PRKN: variants seen among roughly 807,000 people sequenced by gnomAD.
PRKN encodes the protein parkin RBR E3 ubiquitin protein ligase, also known as E3 ubiquitin-protein ligase parkin.
Under a neutral mutation model 59.5 loss-of-function variants are expected in PRKN, and 56 were observed. The observed-to-expected ratio is 0.94, with a 90% CI of 0.76 to 1.18. The LOEUF is 1.18. PRKN is among the 50% of genes most tolerant of loss of function. The pLI is 0.00. For missense variants in PRKN, 657 were observed against 596.4 expected (o/e 1.10, Z -1.06); for synonymous variants, 250 against 222.1 (o/e 1.13, Z -1.12).
chr6:162,505,272 A>C (rs1304062195), intron 1 of PRKN, among the ~76,000 whole-genome samples: 1 of 152,188 alleles, frequency 6.6e-6, no homozygotes, highest in Admixed American at 6.5e-5. Flanking sequence ...TAATTGCAAA[A>C]AATTTGGCAA....
chr6:162,574,630 C>T (rs898470232), intron 1 of PRKN, among the ~76,000 whole-genome samples: 1 of 151,994 alleles, frequency 6.6e-6, no homozygotes, highest in South Asian at 2.1e-4. Flanking sequence ...ATAGGATGGC[C>T]GTTTCATAGG....
chr6:162,563,025 G>A (rs375860295), intron 1 of PRKN, among the ~76,000 whole-genome samples: 14 of 152,272 alleles, frequency 9.2e-5, no homozygotes, highest in East Asian at 1.9e-4. Context: ...CAAGAGAGCC[G>A]GGCGCAGTGG....
intron 1 of PRKN, among the ~76,000 whole-genome samples, chr6:162,697,594 A>G (rs1050949045): frequency 3.3e-5 from 5 of 152,176 alleles, no homozygotes; most frequent in Non-Finnish European, 5.9e-5. Flanking sequence ...AGGCTAACAG[A>G]CTCAGTGCCT....
intron 1 of PRKN, among the ~76,000 whole-genome samples, chr6:162,464,133 T>C (rs1317829173): frequency 6.6e-6 from 1 of 152,216 alleles, no homozygotes; most frequent in Non-Finnish European, 1.5e-5. Flanking sequence ...CTTGATGCCT[T>C]ATATGCCAGC....
intron 7 of PRKN, among the ~76,000 whole-genome samples, chr6:161,608,393 G>T (rs1373624155): frequency 6.6e-6 from 1 of 152,080 alleles, no homozygotes; most frequent in African/African-American, 2.4e-5. Context: ...AATAGAGGAG[G>T]TGTGTGTGTG....
At chr6:162,341,585 G>C (rs1201101631) in intron 2 of PRKN, among the ~76,000 whole-genome samples, 1 of 152,096 alleles carries the variant, frequency 6.6e-6, no homozygotes, top group African/African-American at 2.4e-5. Flanking sequence ...CTATAAAAAA[G>C]GATGAGTTCA....
At chr6:161,775,922 C>T (rs183755342) in intron 7 of PRKN, among the ~76,000 whole-genome samples, 7 of 152,256 alleles carry the variant, frequency 4.6e-5, no homozygotes, top group Admixed American at 4.6e-4. Context: ...AAGGGAATTG[C>T]ATTCTAAGTT....
chr6:161,561,870 C>T lies in PRKN; in HGVS notation c.933+7485G>A, dbSNP rs1562527115. 6.6e-6 allele frequency among the ~76,000 whole-genome samples: 1 copy of T among 152,206 alleles called. No individual in the cohort carries two copies. The highest frequency in any genetic ancestry group is 1.5e-5 in the Non-Finnish European group (1 of 68,036). ...AGGAATTATCCTCCCCTTCTGTTCA[C>T]TCTTCATCCCATAAAACTCTGGCTC... On this transcript the variant is annotated intron_variant, in intron 8 of 11. Coordinates refer to ENST00000366898, the MANE Select transcript of PRKN (RefSeq NM_004562.3). The surrounding 1 kb of genome is among the most constrained non-coding windows in gnomAD (Gnocchi z 5.0).
chr6:161,544,504 TTATTCATTCA>T lies in PRKN; in HGVS notation c.1083+4340_1083+4349del, dbSNP rs1461404718. ...ATTAAGATTCACTCAACCATTTATT[TTATTCATTCA>T]TTCATTCATTCATTCATTCATTCAT... On this transcript the variant is annotated intron_variant, in intron 9 of 11. Coordinates refer to ENST00000366898, the MANE Select transcript of PRKN (RefSeq NM_004562.3). This position sits in a 1 kb window ranked among gnomAD's most constrained non-coding sequence, Gnocchi z 5.5. Among the ~76,000 whole-genome samples the T allele has an allele frequency of 2.3e-4, 28 of 124,292 alleles. No individual in the cohort carries two copies. Among genetic ancestry groups the T allele is most frequent in the South Asian group, 2.0e-3 (9 of 4,502 alleles). 81.5% of individuals were successfully genotyped at this position (124,292 alleles called of 152,430 possible). A position where few individuals can be genotyped will look rare whatever the true frequency, so the allele number is the denominator to read the frequency against.
At chr6:161,420,209 C>T (rs1307290503) in intron 9 of PRKN, among the ~76,000 whole-genome samples, 1 of 144,770 alleles carries the variant, frequency 6.9e-6, no homozygotes, top group Non-Finnish European at 1.5e-5. Flanking sequence ...CGCTGCACTC[C>T]AGCCAGAGCG....
At position 161,369,236 on chromosome 6, in the gene PRKN, C is replaced by T. The variant is rs571813896; in HGVS notation, c.1168-9031G>A. On this transcript the variant is annotated intron_variant, in intron 10 of 11. Coordinates refer to ENST00000366898, the MANE Select transcript of PRKN (RefSeq NM_004562.3). The surrounding 1 kb of genome is among the most constrained non-coding windows in gnomAD (Gnocchi z 5.8). The stretch of plus-strand genomic sequence containing the variant: ...AGCAGTGGCTGGGTGCCCACAGGTT[C>T]AAGATCACCAAAGCGATTCTAAAAA... 1.5e-3 allele frequency among the ~76,000 whole-genome samples: 223 copies of T among 152,284 alleles called. No individual in the cohort carries two copies. Among genetic ancestry groups the T allele is most frequent in the African/African-American group, 5.1e-3 (211 of 41,564 alleles).
chr6:161,433,664 T>C (rs763211412), intron 9 of PRKN, among the ~76,000 whole-genome samples: 1 of 152,148 alleles, frequency 6.6e-6, no homozygotes, highest in Non-Finnish European at 1.5e-5. Context: ...GACCCTCTGG[T>C]GTACAGATTC....
chr6:162,347,629 G>GTA (rs1025206122), intron 2 of PRKN, among the ~76,000 whole-genome samples: 2 of 151,850 alleles, frequency 1.3e-5, no homozygotes, highest in African/African-American at 2.4e-5. Context: ...TAGTACTTAT[G>GTA]TATATATATA....
At chr6:162,127,092 T>C (rs1009050681) in intron 4 of PRKN, among the ~76,000 whole-genome samples, 1 of 152,234 alleles carries the variant, frequency 6.6e-6, no homozygotes, top group African/African-American at 2.4e-5. Context: ...ACCAATAAAA[T>C]GGATACTTAT....
chr6:161,697,512 G>C (rs1355747169), intron 7 of PRKN, among the ~76,000 whole-genome samples: 1 of 152,116 alleles, frequency 6.6e-6, no homozygotes, highest in Non-Finnish European at 1.5e-5. Flanking sequence ...CTCTCATAAA[G>C]TCCAACAAAT....
At chr6:162,228,368 C>T (rs908366245) in intron 3 of PRKN, among the ~76,000 whole-genome samples, 1 of 152,192 alleles carries the variant, frequency 6.6e-6, no homozygotes, top group South Asian at 2.1e-4. Flanking sequence ...CCCGATGTTA[C>T]AGTTGGTCAA....
intron 1 of PRKN, among the ~76,000 whole-genome samples, chr6:162,659,751 T>C (rs59121403): frequency 0.021 from 3,138 of 152,206 alleles, 110 homozygotes; most frequent in African/African-American, 0.07. Context: ...CACAGGTACA[T>C]TTCATAAAAA....
chr6:162,246,975 A>T (rs975797792), intron 3 of PRKN, among the ~76,000 whole-genome samples: 1 of 152,164 alleles, frequency 6.6e-6, no homozygotes, highest in African/African-American at 2.4e-5. Flanking sequence ...TGATAAACAG[A>T]CATAATATTT....
rs1048133271 is a variant in PRKN at position 161,377,816 on chromosome 6, G to C, written c.1167+8978C>G. Among the ~76,000 whole-genome samples, 2 of 152,286 alleles carry C rather than the reference G, an allele frequency of 1.3e-5. No individual in the cohort carries two copies. Among genetic ancestry groups the C allele is most frequent in the East Asian group, 1.9e-4 (1 of 5,158 alleles). ...CTTCTACCATGTGAGGGTATAGCTA[G>C]AAGACGTCATCTACAAACCAAAAAG... On this transcript the variant is annotated intron_variant, in intron 10 of 11. Transcript: ENST00000366898. The surrounding 1 kb of genome is among the most constrained non-coding windows in gnomAD (Gnocchi z 4.2).
Sources: gnomAD v4.1 joint callset for allele counts (sites outside exome capture counted in the v4.1 genomes callset) on GRCh38, gnomAD v4.1.1 for gene constraint, Gnocchi (gnomAD v3.1) non-coding constraint, MANE v1.5 for transcripts, NCBI Gene and HGNC (gene_info 2026-07-23, HGNC 2026-07-21) for gene names.